REV3L: variants seen among roughly 807,000 people sequenced by gnomAD.
REV3L encodes REV3 like, DNA directed polymerase zeta catalytic subunit.
REV3L carries 69 observed loss-of-function variants against 299.4 expected under a neutral mutation model. That is an observed-to-expected ratio of 0.23 (90% confidence interval 0.19 to 0.28). The LOEUF (loss-of-function observed/expected upper bound fraction) is 0.28. Among genes scored for constraint, REV3L ranks in the 10% least tolerant of loss-of-function variants. REV3L has a pLI of 1.00. For missense variants in REV3L, 3,128 were observed against 3,693.8 expected (o/e 0.85, Z 3.97); for synonymous variants, 1,238 against 1,271.4 (o/e 0.97, Z 0.56).
chr6:111,430,020 A>G (rs945865157), intron 1 of REV3L, among the ~76,000 whole-genome samples: 2 of 152,160 alleles, frequency 1.3e-5, no homozygotes, highest in Non-Finnish European at 2.9e-5. Context: ...GTGGAAAAAG[A>G]GAAAGAAAGG....
intron 1 of REV3L, among the ~76,000 whole-genome samples, chr6:111,422,577 C>T (rs1231727190): frequency 4.4e-4 from 9 of 20,622 alleles, no homozygotes; most frequent in Non-Finnish European, 1.1e-3. Flanking sequence ...TATATATATA[C>T]ACATATATAT....
chr6:111,483,218 C>T lies in REV3L; in HGVS notation c.-330G>A. 1 of 476,804 alleles carries T rather than the reference C, an allele frequency of 2.1e-6. No homozygotes were observed. The highest frequency in any genetic ancestry group is 3.6e-6 in the Non-Finnish European group (1 of 274,068). The allele number at this position is 476,804 out of a possible 1,614,324, so 29.5% of individuals were successfully genotyped here. On this transcript the variant is annotated 5_prime_UTR_variant, in exon 1 of 32. The change creates a new upstream start codon in the 5' untranslated region. Transcript: ENST00000368802. ...TCTTGTTGCCATGATGATGATGTCA[C>T]GGACGCAACCACTGGGGGGAGGGGA...
chr6:111,396,504 T>C (rs1222397566), intron 4 of REV3L, among the ~76,000 whole-genome samples: 4 of 152,146 alleles, frequency 2.6e-5, no homozygotes, highest in African/African-American at 4.8e-5. Flanking sequence ...GCTGGCTTCA[T>C]AGAATGAGTT....
At chr6:111,336,045 A>C (rs1420259953) in intron 21 of REV3L, among the ~76,000 whole-genome samples, 1 of 147,970 alleles carries the variant, frequency 6.8e-6, no homozygotes, top group East Asian at 2.0e-4. Flanking sequence ...AAATAAAAAC[A>C]TGCACTATGT....
intron 1 of REV3L, among the ~76,000 whole-genome samples, chr6:111,466,909 C>G (rs969774947): frequency 6.6e-6 from 1 of 152,180 alleles, no homozygotes; most frequent in African/African-American, 2.4e-5. Context: ...AAGAAAATAA[C>G]AGTAAGTCAA....
upstream of REV3L, chr6:111,483,329 G>A (rs1794010890): frequency 2.1e-6 from 1 of 480,874 alleles, no homozygotes; most frequent in Non-Finnish European, 3.6e-6. Context: ...GCGGGCGCCC[G>A]GGCGGGACAC....
chr6:111,328,258 T>C (rs1030890825), intron 25 of REV3L, among the ~76,000 whole-genome samples: 1 of 152,148 alleles, frequency 6.6e-6, no homozygotes, highest in African/African-American at 2.4e-5. Context: ...ACTTAAAAAA[T>C]TTTTTTAGTT....
intron 28 of REV3L, 133 bp from the exon 29 acceptor site, chr6:111,311,392 T>C: frequency 1.9e-6 from 1 of 528,564 alleles, no homozygotes; most frequent in Non-Finnish European, 3.2e-6. Flanking sequence ...CTTACAATGA[T>C]GGGATAATAA....
At chr6:111,351,885 A>C in intron 18 of REV3L, 94 bp from the exon 19 acceptor site, 2 of 784,462 alleles carry the variant, frequency 2.5e-6, no homozygotes, top group South Asian at 3.7e-5. Flanking sequence ...TATGAAAACA[A>C]AAACCTATGT....
chr6:111,352,611 T>C (rs1248343914), intron 18 of REV3L, among the ~76,000 whole-genome samples: 1 of 152,200 alleles, frequency 6.6e-6, no homozygotes, highest in Non-Finnish European at 1.5e-5. Flanking sequence ...TTAATTTTAG[T>C]AATTATTTGG....
intron 1 of REV3L, among the ~76,000 whole-genome samples, chr6:111,480,838 GTTTT>G (rs56230820): frequency 9.2e-6 from 1 of 109,040 alleles, no homozygotes; most frequent in Non-Finnish European, 2.0e-5. Flanking sequence ...TTTCGTTTTT[GTTTT>G]TTTTTTTTTT....
intron 4 of REV3L, among the ~76,000 whole-genome samples, chr6:111,399,193 G>C (rs1375363567): frequency 6.6e-6 from 1 of 151,968 alleles, no homozygotes; most frequent in African/African-American, 2.4e-5. Flanking sequence ...ATATACTCTA[G>C]AAACTCTTCC....
Position 111,313,334 on chromosome 6 carries a change from A to C in REV3L, c.8604+18T>G. 1 of 1,597,932 alleles carries C rather than the reference A, an allele frequency of 6.3e-7. No homozygotes were observed. Among genetic ancestry groups the C allele is most frequent in the Admixed American group, 1.8e-5 (1 of 55,934 alleles). On this transcript the variant is annotated intron_variant, in intron 28 of 31. Transcript: ENST00000368802. ...CCACTTATTTCTTACAGATGAAGAC[A>C]AGATAGATAAACCTTACCTTAGAAA...
At chr6:111,483,361 G>T (rs1266081937), upstream of REV3L, 7 of 482,008 alleles carry the variant, frequency 1.5e-5, no homozygotes, top group African/African-American at 6.2e-5. Context: ...GCCGAGAAGG[G>T]GCTTTCTCCC....
intron 1 of REV3L, among the ~76,000 whole-genome samples, chr6:111,447,431 T>A (rs1361750493): frequency 6.6e-6 from 1 of 152,190 alleles, no homozygotes; most frequent in Admixed American, 6.5e-5. Flanking sequence ...AAACTTCAAA[T>A]GTCACGACTC....
chr6:111,458,614 T>G (rs778482934), intron 1 of REV3L, among the ~76,000 whole-genome samples: 1 of 151,986 alleles, frequency 6.6e-6, no homozygotes, highest in African/African-American at 2.4e-5. Context: ...TGTACAAAAA[T>G]CAGTAGCATT....
At chr6:111,483,425 G>C, upstream of REV3L, 3 of 436,358 alleles carry the variant, frequency 6.9e-6, no homozygotes, top group Non-Finnish European at 8.3e-6. Context: ...CGCCCGCGCG[G>C]GATCGATGAC....
intron 1 of REV3L, among the ~76,000 whole-genome samples, chr6:111,447,166 G>C (rs987005220): frequency 5.9e-5 from 9 of 152,138 alleles, no homozygotes; most frequent in Non-Finnish European, 1.3e-4. Context: ...TAAAATTACA[G>C]AATACACCTG....
intron 21 of REV3L, among the ~76,000 whole-genome samples, chr6:111,341,762 G>C (rs1030849383): frequency 1.4e-4 from 22 of 151,974 alleles, no homozygotes; most frequent in Admixed American, 9.2e-4. Flanking sequence ...GAGTTGGGGG[G>C]GGTCAGAAGT....
Sources: allele counts gnomAD v4.1 joint callset (sites outside exome capture counted in the v4.1 genomes callset), GRCh38; gene constraint gnomAD v4.1.1; transcripts MANE v1.5; gene names NCBI Gene and HGNC (gene_info 2026-07-23, HGNC 2026-07-21).